Variants in ARVCF observed in about 807,000 individuals in gnomAD.
ARVCF encodes ARVCF delta catenin family member.
ARVCF carries 66 observed loss-of-function variants against 90.9 expected under a neutral mutation model. That is an observed-to-expected ratio of 0.73 (90% CI 0.60 to 0.89). ARVCF has a LOEUF of 0.89. Ranked by LOEUF, ARVCF falls within the 40% of genes least tolerant of loss-of-function variation. ARVCF has a pLI of 0.00. For synonymous variants in ARVCF, 653 were observed against 603.4 expected, an observed-to-expected ratio of 1.08 and a Z score of -1.21; for missense variants, 1,469 against 1,382.3, an observed-to-expected ratio of 1.06 and a Z score of -1.00.
At chr22:19,995,893 T>A (rs1292539882) in intron 2 of ARVCF, among the ~76,000 whole-genome samples, 6 of 152,160 alleles carry the variant, frequency 3.9e-5, no homozygotes, top group Admixed American at 3.9e-4. Flanking sequence ...AGAAGTGCCC[T>A]GGCAGGAGTT....
At chr22:19,972,651 ACTC>A (rs1383701651) in intron 16 of ARVCF, 83 bp downstream of exon 16, 14 of 1,414,198 alleles carry the variant, frequency 9.9e-6, no homozygotes, top group East Asian at 7.4e-5. Flanking sequence ...GGGAGGCCTG[ACTC>A]CTCCTTCACC....
intron 1 of ARVCF, 133 bp from the exon 2 acceptor site, chr22:20,010,641 C>G (rs574738783): frequency 6.6e-6 from 1 of 152,378 alleles, no homozygotes; most frequent in Admixed American, 6.5e-5. Context: ...TCCCGTGGTG[C>G]TCCTGACTCA....
rs1277171010 is a variant in ARVCF, at chr22:20,016,587, A to T, written c.-73+2T>A. 5 of 150,716 alleles carry T rather than the reference A, an allele frequency of 3.3e-5. No individual in the cohort carries two copies. The highest frequency in any genetic ancestry group is 5.9e-5 in the Non-Finnish European group (4 of 67,634). The allele number at this position is 150,716 out of a possible 1,614,324, so 9.3% of individuals were successfully genotyped here. A position where few individuals can be genotyped will look rare whatever the true frequency, so the allele number is the denominator to read the frequency against. ...ACACCCCGCCCACTGGCTCAGGCTTACCTGGAGCGCAGCGTGGGCGGCCCC... is the reference window on the plus strand; with the variant it reads ...ACACCCCGCCCACTGGCTCAGGCTTTCCTGGAGCGCAGCGTGGGCGGCCCC... On this transcript the variant is annotated splice_donor_variant, in intron 1 of 19. Coordinates refer to ENST00000263207, the MANE Select transcript of ARVCF (RefSeq NM_001670.3). LOFTEE classifies it low-confidence loss of function (5UTR_SPLICE).
intron 2 of ARVCF, among the ~76,000 whole-genome samples, chr22:19,994,077 G>A (rs144373444): frequency 3.3e-4 from 50 of 152,250 alleles, no homozygotes; most frequent in African/African-American, 9.9e-4. Flanking sequence ...GAGAGACAGC[G>A]AAGGATGGAC....
intron 1 of ARVCF, among the ~76,000 whole-genome samples, chr22:20,012,205 G>C (rs1944862214): frequency 6.6e-6 from 1 of 151,446 alleles, no homozygotes; most frequent in Non-Finnish European, 1.5e-5. Context: ...GCCAATAGCA[G>C]ACCCTGGGAA....
chr22:19,971,195 C>T (rs1042632500), intron 19 of ARVCF, 21 bp downstream of exon 19: 2 of 1,551,450 alleles, frequency 1.3e-6, no homozygotes, highest in Non-Finnish European at 1.7e-6. Flanking sequence ...GGTGGACGAA[C>T]AACCAGATGA....
chr22:19,989,393 C>T (rs1256598859), intron 3 of ARVCF, among the ~76,000 whole-genome samples: 4 of 152,184 alleles, frequency 2.6e-5, no homozygotes, highest in African/African-American at 9.7e-5. Flanking sequence ...TGGCCGACAC[C>T]AAGTCTGGAC....
In ARVCF at chr22:19,973,172, G is replaced by A. The variant is rs554849188; in HGVS notation, c.2385C>T (p.Arg795=). The A allele has an allele frequency of 3.1e-6, 5 of 1,610,720 alleles. No individual in the cohort carries two copies. The highest frequency in any genetic ancestry group is 4.5e-5 in the East Asian group (2 of 44,724). ...GCACCCCGCGTGCCTGCAGGAGCGA[G>A]CGCGCGTTATCCAGGCTGTCGGACA... ...EIVSDSLDNA[R]SLLQARGVPA... Residue 795 remains arginine, a synonymous_variant, in exon 14 of 20, where the codon CGC becomes CGT. Coordinates refer to ENST00000263207, the MANE Select transcript of ARVCF (RefSeq NM_001670.3).
downstream of ARVCF, chr22:19,969,112 G>A (rs1177612601): frequency 4.4e-6 from 1 of 227,976 alleles, no homozygotes; most frequent in East Asian, 1.3e-4. Context: ...CCCCTTGACG[G>A]ACGCTAACGC....
Position 19,970,878 on chromosome 22 carries a change from G to A in ARVCF, c.*13-135C>T, listed in dbSNP as rs547050708. The A allele has an allele frequency of 6.3e-5, 74 of 1,173,678 alleles. No homozygotes were observed. In the East Asian group the frequency reaches 2.5e-3, roughly 40 times the overall value. 72.7% of individuals were successfully genotyped at this position (1,173,678 alleles called of 1,614,324 possible). ...GATAGAAGCATCTGCCCTGGGTGGT[G>A]TGGGCTGACCCCAAGGGTCTTGGCA... On this transcript the variant is annotated intron_variant, in intron 19 of 19. Coordinates refer to ENST00000263207, the MANE Select transcript of ARVCF (RefSeq NM_001670.3).
intron 3 of ARVCF, among the ~76,000 whole-genome samples, chr22:19,987,750 A>C (rs1453033762): frequency 6.6e-6 from 1 of 152,014 alleles, no homozygotes; most frequent in East Asian, 2.0e-4. Flanking sequence ...GGGCCTGCGA[A>C]GAACTGTCCC....
chr22:19,973,437 G>C, intron 13 of ARVCF, 120 bp from the exon 14 acceptor site: 1 of 1,347,142 alleles, frequency 7.4e-7, no homozygotes, highest in Non-Finnish European at 9.8e-7. Flanking sequence ...CTGTGTGCAG[G>C]CGGTCACAGG....
intron 3 of ARVCF, among the ~76,000 whole-genome samples, chr22:19,982,653 C>G (rs189119346): frequency 2.0e-5 from 3 of 150,080 alleles, no homozygotes; most frequent in Non-Finnish European, 4.5e-5. Flanking sequence ...CCGCCACCAA[C>G]GCCAGCCAGA....
intron 7 of ARVCF, 56 bp downstream of exon 7, chr22:19,978,841 C>T: frequency 6.4e-6 from 10 of 1,557,210 alleles, no homozygotes; most frequent in Non-Finnish European, 8.7e-6. Flanking sequence ...CTATCTGGGA[C>T]CACGAGGACG....
In ARVCF at chr22:19,981,797, G is replaced by A. The variant is rs1811899487; in HGVS notation, c.370-60C>T. On this transcript the variant is annotated intron_variant, in intron 4 of 19. Coordinates refer to ENST00000263207, the MANE Select transcript of ARVCF (RefSeq NM_001670.3). ...CGAGAGGCCTAGAAACTGCTTTGCT[G>A]GGGTCTGGCTGGCCTTAATTTCCCA... 5.8e-6 allele frequency: 9 copies of A among 1,548,270 alleles called. No individual in the cohort carries two copies. The Admixed American group carries it at 7.6e-5, about 13-fold the overall frequency.
intron 1 of ARVCF, among the ~76,000 whole-genome samples, chr22:20,011,446 T>C (rs1944828551): frequency 6.6e-6 from 1 of 152,124 alleles, no homozygotes; most frequent in African/African-American, 2.4e-5. Context: ...CCAATAGTCC[T>C]TTGTGGTCAT....
Position 19,981,395 on chromosome 22 carries a change from C to T in ARVCF, c.712G>A (p.Val238Met), listed in dbSNP as rs1304341526. The change falls in exon 5 of 20, where the codon GTG becomes ATG. Residue 238 changes from valine to methionine, a missense_variant. Val to Met is a conservative substitution (Grantham distance 21, BLOSUM62 1). Coordinates refer to ENST00000263207, the MANE Select transcript of ARVCF (RefSeq NM_001670.3). ...TLPGHREAFP[V>M]GPEPGPPGGR... ...CCTGGTGGCCCAGGCTCAGGACCCACCGGGAAGGCTTCCCGGTGGCCAGGC... is the reference window on the plus strand; with the variant it reads ...CCTGGTGGCCCAGGCTCAGGACCCATCGGGAAGGCTTCCCGGTGGCCAGGC... 9 of 1,590,928 alleles carry T rather than the reference C, an allele frequency of 5.7e-6. No homozygotes were observed. The highest frequency in any genetic ancestry group is 1.1e-5 in the South Asian group (1 of 88,792).
At chr22:20,008,116 A>C (rs1281329001) in intron 2 of ARVCF, among the ~76,000 whole-genome samples, 2 of 152,276 alleles carry the variant, frequency 1.3e-5, no homozygotes, top group African/African-American at 4.8e-5. Context: ...TGCAGTAGGC[A>C]GAAAGAGGAG....
intron 6 of ARVCF, chr22:19,979,295 T>C (rs1486543796): frequency 1.7e-6 from 1 of 599,726 alleles, no homozygotes; most frequent in African/African-American, 1.9e-5. Context: ...GAGGAGGGTG[T>C]GGCAGTGCTG....
Sources: allele counts gnomAD v4.1 joint callset (sites outside exome capture counted in the v4.1 genomes callset), GRCh38; gene constraint gnomAD v4.1.1; transcripts MANE v1.5; gene names NCBI Gene and HGNC (gene_info 2026-07-23, HGNC 2026-07-21).